The following SBF2 variants were observed in gnomAD, a reference collection of about 807,000 sequenced individuals.
The protein encoded by SBF2 is SET binding factor 2.
A neutral mutation model predicts 225.2 loss-of-function variants in SBF2; 112 were observed. That is an observed-to-expected ratio of 0.50 (90% CI 0.43 to 0.58). The LOEUF (loss-of-function observed/expected upper bound fraction) is 0.58. Among genes scored for constraint, SBF2 ranks in the 20% least tolerant of loss-of-function variants. The probability of loss-of-function intolerance (pLI) is 0.00; values close to 1 mark genes in which losing one functional copy is unlikely to be tolerated. For synonymous variants in SBF2, 763 were observed against 773.3 expected, an observed-to-expected ratio of 0.99 and a Z score of 0.22; for missense variants, 1,996 against 2,206.2, an observed-to-expected ratio of 0.90 and a Z score of 1.91.
At chr11:10,272,936 G>A (rs1011343959) in intron 1 of SBF2, among the ~76,000 whole-genome samples, 8 of 152,026 alleles carry the variant, frequency 5.3e-5, no homozygotes, top group Non-Finnish European at 8.8e-5. Context: ...CAGGCATGGT[G>A]GCACATGCCT....
chr11:10,002,876 T>C (rs1483371989), intron 6 of SBF2, among the ~76,000 whole-genome samples, 187 bp from the exon 7 acceptor site: 1 of 152,242 alleles, frequency 6.6e-6, no homozygotes, highest in Non-Finnish European at 1.5e-5. Context: ...GTTTTGCCTT[T>C]ATTCTTCAAA....
At chr11:10,255,686 C>T (rs749599291) in intron 1 of SBF2, among the ~76,000 whole-genome samples, 2 of 152,120 alleles carry the variant, frequency 1.3e-5, no homozygotes, top group Non-Finnish European at 2.9e-5. Context: ...TATCTCTGAC[C>T]ATTTCTAAAT....
intron 16 of SBF2, among the ~76,000 whole-genome samples, chr11:9,953,001 T>C (rs189065106): frequency 2.3e-3 from 353 of 152,338 alleles, no homozygotes; most frequent in Non-Finnish European, 3.7e-3. Flanking sequence ...GAAGTAGAAC[T>C]ACCATTTGAT....
chr11:10,285,282 C>T (rs1164532881), intron 1 of SBF2, among the ~76,000 whole-genome samples: 1 of 151,604 alleles, frequency 6.6e-6, no homozygotes, highest in Non-Finnish European at 1.5e-5. Flanking sequence ...TGCCTTCCTG[C>T]CTGGTCAACA....
chr11:10,273,311 G>A (rs1962689371), intron 1 of SBF2, among the ~76,000 whole-genome samples: 1 of 152,006 alleles, frequency 6.6e-6, no homozygotes, highest in Non-Finnish European at 1.5e-5. Flanking sequence ...ATCAGCCCAG[G>A]ATCTAGATGT....
At chr11:9,959,447 C>G in intron 16 of SBF2, 1 of 1,049,078 alleles carries the variant, frequency 9.5e-7, no homozygotes, top group Non-Finnish European at 1.5e-6. Context: ...CTCACCATGT[C>G]CCTTATCCGT....
intron 33 of SBF2, 40 bp from the exon 34 acceptor site, chr11:9,790,723 A>G (rs1852686395): frequency 6.6e-7 from 1 of 1,506,712 alleles, no homozygotes; most frequent in African/African-American, 1.4e-5. Flanking sequence ...AATTAAATAA[A>G]TTCACACTTT....
At chr11:10,251,526 T>A (rs1960349264) in intron 1 of SBF2, among the ~76,000 whole-genome samples, 1 of 152,162 alleles carries the variant, frequency 6.6e-6, no homozygotes, top group African/African-American at 2.4e-5. Context: ...ATTTCAGTTG[T>A]AGGGGATTAA....
chr11:10,247,177 T>A (rs1482753921), intron 1 of SBF2, among the ~76,000 whole-genome samples: 2 of 152,046 alleles, frequency 1.3e-5, no homozygotes, highest in Non-Finnish European at 2.9e-5. Context: ...AGCACATTAT[T>A]ACCAAAAAAT....
chr11:10,222,767 A>C (rs1958385519), intron 1 of SBF2, among the ~76,000 whole-genome samples: 1 of 152,166 alleles, frequency 6.6e-6, no homozygotes, highest in Admixed American at 6.6e-5. Context: ...TTTATATTGG[A>C]GGTTGCAAAT....
chr11:9,984,144 G>A (rs1446137893), intron 13 of SBF2, among the ~76,000 whole-genome samples: 1 of 152,184 alleles, frequency 6.6e-6, no homozygotes, highest in African/African-American at 2.4e-5. Flanking sequence ...AGGGAGCAGA[G>A]AAAGGCGAAG....
intron 17 of SBF2, among the ~76,000 whole-genome samples, chr11:9,886,717 A>G (rs1554941801): frequency 5.5e-5 from 2 of 36,680 alleles, no homozygotes; most frequent in South Asian, 6.5e-4. Context: ...TTTGCCTATA[A>G]TATTTATGTC....
intron 26 of SBF2, among the ~76,000 whole-genome samples, chr11:9,833,656 G>A (rs368015983): frequency 2.6e-5 from 4 of 151,818 alleles, no homozygotes; most frequent in South Asian, 2.1e-4. Flanking sequence ...TCCTGACCTC[G>A]TGATCTGCCC....
intron 16 of SBF2, among the ~76,000 whole-genome samples, chr11:9,908,057 TG>T (rs1366284909): frequency 6.6e-6 from 1 of 152,210 alleles, no homozygotes; most frequent in Non-Finnish European, 1.5e-5. Context: ...AATATAAAAA[TG>T]GAGTCTGTGG....
At chr11:9,929,383 G>T in intron 16 of SBF2, 2 of 115,778 alleles carry the variant, frequency 1.7e-5, no homozygotes, top group South Asian at 4.1e-4. Flanking sequence ...GATTTTATAT[G>T]ACAACCAGTG....
At chr11:10,057,113 T>C (rs1485054310) in intron 2 of SBF2, among the ~76,000 whole-genome samples, 3 of 152,112 alleles carry the variant, frequency 2.0e-5, no homozygotes, top group Non-Finnish European at 1.5e-5. Context: ...GTGACACTTC[T>C]AGGTTCTGGA....
chr11:9,890,617 C>T (rs2134117266), intron 17 of SBF2, among the ~76,000 whole-genome samples: 1 of 152,252 alleles, frequency 6.6e-6, no homozygotes, highest in African/African-American at 2.4e-5. Flanking sequence ...TTTATTTTTC[C>T]TCCCAGGGTA....
chr11:9,798,169 T>C (rs1354695763), intron 32 of SBF2, among the ~76,000 whole-genome samples: 3 of 152,210 alleles, frequency 2.0e-5, no homozygotes, highest in African/African-American at 7.2e-5. Flanking sequence ...ATTCAAACGC[T>C]TGCCTCTACT....
intron 17 of SBF2, among the ~76,000 whole-genome samples, chr11:9,886,605 T>A (rs2134103426): frequency 6.6e-6 from 1 of 152,266 alleles, no homozygotes; most frequent in East Asian, 1.9e-4. Context: ...TGCCTCTTTT[T>A]TTTTGAGACG....
Sources: allele counts gnomAD v4.1 joint callset (sites outside exome capture counted in the v4.1 genomes callset), GRCh38; gene constraint gnomAD v4.1.1; transcripts MANE v1.5; gene names NCBI Gene and HGNC (gene_info 2026-07-23, HGNC 2026-07-21).